ATP6V1G3: variants seen among roughly 807,000 people sequenced by gnomAD.
ATP6V1G3 encodes the protein ATPase H+ transporting V1 subunit G3.
Under a neutral mutation model 9.3 loss-of-function variants are expected in ATP6V1G3, and 9 were observed. The ratio of observed to expected loss-of-function variants is 0.97; its 90% confidence interval spans 0.59 to 1.69. ATP6V1G3 has a LOEUF of 1.69. ATP6V1G3 is among the 40% of genes most tolerant of loss of function. The pLI is 0.00. For synonymous variants in ATP6V1G3, 43 were observed against 43.8 expected (o/e 0.98, Z 0.07); for missense variants, 133 against 139.0 (o/e 0.96, Z 0.22).
intron 1 of ATP6V1G3, among the ~76,000 whole-genome samples, chr1:198,540,295 G>A (rs957202125): frequency 3.9e-5 from 6 of 152,126 alleles, no homozygotes; most frequent in African/African-American, 1.4e-4. Flanking sequence ...GAGAAAACAG[G>A]CATGGCATAG....
intron 1 of ATP6V1G3, among the ~76,000 whole-genome samples, chr1:198,529,696 T>A (rs533183153): frequency 1.3e-5 from 2 of 152,258 alleles, no homozygotes; most frequent in Admixed American, 6.5e-5. Context: ...TTACAATTTT[T>A]AAAAACGTTT....
intron 1 of ATP6V1G3, among the ~76,000 whole-genome samples, chr1:198,536,045 G>T (rs1290115842): frequency 6.6e-6 from 1 of 151,238 alleles, no homozygotes; most frequent in Non-Finnish European, 1.5e-5. Flanking sequence ...AATGCAATTT[G>T]TAATTTTTAG....
chr1:198,540,567 A>G lies in ATP6V1G3; in HGVS notation c.82+2T>C. On this transcript the variant is annotated splice_donor_variant, in intron 1 of 2. Coordinates refer to ENST00000367382, the MANE Select transcript of ATP6V1G3 (RefSeq NM_001376861.1). LOFTEE classifies it high-confidence loss of function. The stretch of plus-strand genomic sequence containing the variant: ...GACAGACCCCTCACAGGTGAGACTT[A>G]CTCTTCTTGGCTTCCTCTAGCTTGT... 1 of 1,613,216 alleles carries G rather than the reference A, an allele frequency of 6.2e-7. No individual in the cohort carries two copies. The highest frequency in any genetic ancestry group is 8.5e-7 in the Non-Finnish European group (1 of 1,179,324).
chr1:198,529,969 GC>G (rs773161057), intron 1 of ATP6V1G3, among the ~76,000 whole-genome samples: 43 of 152,158 alleles, frequency 2.8e-4, no homozygotes, highest in Admixed American at 2.6e-4. Flanking sequence ...CATTAGCTGA[GC>G]ACATGACTTT....
intron 2 of ATP6V1G3, among the ~76,000 whole-genome samples, chr1:198,528,864 T>C (rs2103133399): frequency 6.6e-6 from 1 of 151,856 alleles, no homozygotes; most frequent in African/African-American, 2.4e-5. Flanking sequence ...TAATAACTAC[T>C]GATGGACCCT....
intron 1 of ATP6V1G3, among the ~76,000 whole-genome samples, chr1:198,536,908 ATG>A (rs112418740): frequency 1.3e-5 from 2 of 151,648 alleles, no homozygotes; most frequent in African/African-American, 2.4e-5. Flanking sequence ...TCTTGGTCAT[ATG>A]TGTGTGTGTG....
At chr1:198,539,932 A>T (rs1393947959) in intron 1 of ATP6V1G3, among the ~76,000 whole-genome samples, 4 of 152,164 alleles carry the variant, frequency 2.6e-5, no homozygotes, top group African/African-American at 9.7e-5. Flanking sequence ...ACCAAATGAA[A>T]AGAGAGCTGA....
Position 198,529,130 on chromosome 1 carries a change from TC to T in ATP6V1G3, c.133del (p.Asp45ThrfsTer13). On this transcript the variant is annotated frameshift_variant, in exon 2 of 3. Coordinates refer to ENST00000367382, the MANE Select transcript of ATP6V1G3 (RefSeq NM_001376861.1). LOFTEE classifies it low-confidence loss of function (END_TRUNC). ...TTTATCTCTCTGCATTCTGTACTGG[TC>T]AATTTCTACCATTGCTTCCTCCTTG... ...QAKEEAMVEI[D>X]QYRMQRDKEF... 1 of 1,473,692 alleles carries T rather than the reference TC, an allele frequency of 6.8e-7. No individual in the cohort carries two copies. Among genetic ancestry groups the T allele is most frequent in the Non-Finnish European group, 9.1e-7 (1 of 1,104,304 alleles). The allele number at this position is 1,473,692 out of a possible 1,614,324, so 91.3% of individuals were successfully genotyped here. A position where few individuals can be genotyped will look rare whatever the true frequency, so the allele number is the denominator to read the frequency against.
At chr1:198,539,153 TG>T (rs1350569137) in intron 1 of ATP6V1G3, among the ~76,000 whole-genome samples, 1 of 152,204 alleles carries the variant, frequency 6.6e-6, no homozygotes. Flanking sequence ...ATGTTGTTGA[TG>T]CCCACATTGC....
At chr1:198,526,582 T>A (rs1387831840) in intron 2 of ATP6V1G3, among the ~76,000 whole-genome samples, 2 of 152,208 alleles carry the variant, frequency 1.3e-5, no homozygotes, top group Non-Finnish European at 2.9e-5. Context: ...GATGTATAGC[T>A]TTACAGCATA....
At chr1:198,535,880 T>C (rs1660089944) in intron 1 of ATP6V1G3, among the ~76,000 whole-genome samples, 1 of 152,158 alleles carries the variant, frequency 6.6e-6, no homozygotes. Flanking sequence ...GACCATACTA[T>C]TTTGGGAGAA....
chr1:198,533,625 A>T (rs565733809), intron 1 of ATP6V1G3, among the ~76,000 whole-genome samples: 4 of 152,190 alleles, frequency 2.6e-5, no homozygotes, highest in African/African-American at 9.7e-5. Flanking sequence ...GCTGGTGTTT[A>T]TATGAACTTA....
At chr1:198,529,452 G>T (rs1374195377) in intron 1 of ATP6V1G3, among the ~76,000 whole-genome samples, 1 of 151,736 alleles carries the variant, frequency 6.6e-6, no homozygotes, top group Non-Finnish European at 1.5e-5. Context: ...ACACGTAAAT[G>T]ACAACTTTTT....
chr1:198,538,280 C>A (rs1267641934), intron 1 of ATP6V1G3, among the ~76,000 whole-genome samples: 1 of 151,732 alleles, frequency 6.6e-6, no homozygotes, highest in Non-Finnish European at 1.5e-5. Context: ...ATACTGAATT[C>A]TGAGGAAAGA....
At chr1:198,528,795 G>A (rs773343172) in intron 2 of ATP6V1G3, among the ~76,000 whole-genome samples, 6 of 151,880 alleles carry the variant, frequency 4.0e-5, no homozygotes, top group Middle Eastern at 6.8e-3. Flanking sequence ...GAGACTTTAA[G>A]CAATCCCTTC....
rs1306277172 is a variant in ATP6V1G3, at chr1:198,523,404, C to T, written c.344G>A (p.Arg115Lys). 1 of 1,612,550 alleles carries T rather than the reference C, an allele frequency of 6.2e-7. No individual in the cohort carries two copies. Among genetic ancestry groups the T allele is most frequent in the African/African-American group, 1.3e-5 (1 of 74,840 alleles). Residue 115 changes from arginine (R) to lysine (K), a missense_variant, in exon 3 of 3, where the codon AGA (arginine) becomes AAA (lysine). Coordinates refer to ENST00000367382, the MANE Select transcript of ATP6V1G3 (RefSeq NM_001376861.1). ...TGTGATGTACATTTAGTTGGTGGCT[C>T]TGTAGTTCACATGGATTTCTGGTTT... ...DMKPEIHVNY[R>K]ATN
chr1:198,539,074 A>T (rs935879594), intron 1 of ATP6V1G3, among the ~76,000 whole-genome samples: 10 of 152,186 alleles, frequency 6.6e-5, no homozygotes, highest in African/African-American at 2.4e-4. Flanking sequence ...AGAAATAGGT[A>T]AAGTTTGCCT....
At chr1:198,531,119 G>A (rs1659881776) in intron 1 of ATP6V1G3, among the ~76,000 whole-genome samples, 1 of 152,102 alleles carries the variant, frequency 6.6e-6, no homozygotes, top group South Asian at 2.1e-4. Context: ...GCGTGTCTGT[G>A]ATTCCCTTGT....
rs140777367 is a variant in ATP6V1G3 at position 198,524,742 on chromosome 1, A to G, written c.184-1178T>C. Among the ~76,000 whole-genome samples the G allele has an allele frequency of 5.9e-3, 898 of 152,294 alleles. 7 individuals are homozygous for G. Among genetic ancestry groups the G allele is most frequent in the African/African-American group, 0.021 (862 of 41,578 alleles). On this transcript the variant is annotated intron_variant, in intron 2 of 2. Transcript: ENST00000367382. ...AGCAAAAAAAATCAACTCCTAACGT[A>G]TCTCCTTTGTAAACTTAGTCTTTCC...
Sources: allele counts gnomAD v4.1 joint callset (sites outside exome capture counted in the v4.1 genomes callset), GRCh38; gene constraint gnomAD v4.1.1; transcripts MANE v1.5; gene names NCBI Gene and HGNC (gene_info 2026-07-23, HGNC 2026-07-21).